The following RNGTT variants were observed in gnomAD, a reference collection of about 807,000 sequenced individuals.
RNGTT encodes mRNA-capping enzyme.
In RNGTT, 33 loss-of-function variants were observed where a neutral mutation model predicts 79.3. The ratio of observed to expected loss-of-function variants is 0.42; its 90% CI spans 0.32 to 0.56. The LOEUF (loss-of-function observed/expected upper bound fraction) is 0.56, where lower values mean the gene tolerates loss of function less well. RNGTT is among the 20% of genes least tolerant of loss of function. RNGTT has a pLI of 0.17. For synonymous variants in RNGTT, 222 were observed against 235.9 expected, an observed-to-expected ratio of 0.94 and a Z score of 0.54; for missense variants, 497 against 739.1, an observed-to-expected ratio of 0.67 and a Z score of 3.80.
At chr6:88,764,992 A>C (rs1172196009) in intron 13 of RNGTT, among the ~76,000 whole-genome samples, 2 of 152,100 alleles carry the variant, frequency 1.3e-5, no homozygotes, top group Non-Finnish European at 2.9e-5. Context: ...GGAGATCGAG[A>C]CCATCCTGGC....
At chr6:88,692,068 C>T (rs1775502325) in intron 13 of RNGTT, among the ~76,000 whole-genome samples, 1 of 152,114 alleles carries the variant, frequency 6.6e-6, no homozygotes, top group South Asian at 2.1e-4. Flanking sequence ...TGTACAGACT[C>T]AGCCAAGATA....
intron 13 of RNGTT, among the ~76,000 whole-genome samples, chr6:88,768,804 T>A (rs1018833357): frequency 6.6e-6 from 1 of 152,182 alleles, no homozygotes; most frequent in Non-Finnish European, 1.5e-5. Flanking sequence ...TGGAAAAATG[T>A]TGAAAATATT....
At chr6:88,693,478 T>A (rs1280077924) in intron 13 of RNGTT, among the ~76,000 whole-genome samples, 1 of 152,028 alleles carries the variant, frequency 6.6e-6, no homozygotes, top group Non-Finnish European at 1.5e-5. Context: ...TAATAAAAAG[T>A]CTCTCATCAA....
chr6:88,835,148 C>G (rs1468767554), intron 11 of RNGTT, among the ~76,000 whole-genome samples: 1 of 152,096 alleles, frequency 6.6e-6, no homozygotes, highest in African/African-American at 2.4e-5. Context: ...AGTAAAATGA[C>G]TCCAAGCAGA....
At chr6:88,682,795 G>A (rs1775139050) in intron 13 of RNGTT, among the ~76,000 whole-genome samples, 1 of 152,034 alleles carries the variant, frequency 6.6e-6, no homozygotes, top group South Asian at 2.1e-4. Context: ...GCAGATCATA[G>A]CCTCAGAACA....
intron 6 of RNGTT, among the ~76,000 whole-genome samples, chr6:88,895,590 T>C (rs148425598): frequency 6.6e-6 from 1 of 152,156 alleles, no homozygotes; most frequent in African/African-American, 2.4e-5. Flanking sequence ...CAGAAAAGAC[T>C]GTACTTAACA....
chr6:88,836,009 CACACACACACACACATAT>C (rs1781059272), intron 11 of RNGTT, among the ~76,000 whole-genome samples: 2 of 122,018 alleles, frequency 1.6e-5, no homozygotes, highest in Non-Finnish European at 1.8e-5. Context: ...CACACACACA[CACACACACACACACATAT>C]ATATATAAGA....
chr6:88,848,614 A>G (rs1781565654), intron 10 of RNGTT, among the ~76,000 whole-genome samples: 1 of 152,074 alleles, frequency 6.6e-6, no homozygotes, highest in East Asian at 1.9e-4. Flanking sequence ...GTATAGTACA[A>G]TAACATTTAT....
At chr6:88,844,551 C>T in intron 10 of RNGTT, 30 bp from the exon 11 acceptor site, 1 of 1,569,324 alleles carries the variant, frequency 6.4e-7, no homozygotes, top group Non-Finnish European at 8.7e-7. Flanking sequence ...AGTTAAATTT[C>T]AACACTAACA....
intron 14 of RNGTT, among the ~76,000 whole-genome samples, chr6:88,622,846 G>C (rs1364107863): frequency 2.0e-5 from 3 of 152,116 alleles, no homozygotes; most frequent in African/African-American, 7.2e-5. Flanking sequence ...TTGTGGACTG[G>C]TGACATAATG....
intron 6 of RNGTT, among the ~76,000 whole-genome samples, chr6:88,895,534 A>G (rs1052065864): frequency 1.3e-5 from 2 of 152,170 alleles, no homozygotes; most frequent in African/African-American, 4.8e-5. Flanking sequence ...AGAATTAATT[A>G]CAAGGAGTCC....
intron 11 of RNGTT, among the ~76,000 whole-genome samples, chr6:88,821,373 A>G (rs756149762): frequency 6.6e-6 from 1 of 152,180 alleles, no homozygotes; most frequent in East Asian, 1.9e-4. Context: ...ATTAAATTTT[A>G]GAAAGCATAT....
intron 11 of RNGTT, among the ~76,000 whole-genome samples, chr6:88,823,284 T>C (rs1780552866): frequency 6.6e-6 from 1 of 151,846 alleles, no homozygotes; most frequent in African/African-American, 2.4e-5. Flanking sequence ...TACAAAAAAT[T>C]AGCTGGGCGT....
chr6:88,870,441 T>C (rs1782316807), intron 8 of RNGTT, among the ~76,000 whole-genome samples: 1 of 149,720 alleles, frequency 6.7e-6, no homozygotes, highest in Non-Finnish European at 1.5e-5. Context: ...TCACTGCCTA[T>C]AAATAAAAGA....
chr6:88,818,768 G>A (rs2127878078), intron 11 of RNGTT, among the ~76,000 whole-genome samples: 2 of 152,160 alleles, frequency 1.3e-5, no homozygotes, highest in South Asian at 4.2e-4. Context: ...AAATAAATTT[G>A]TGATACATAC....
intron 7 of RNGTT, among the ~76,000 whole-genome samples, chr6:88,891,453 C>T (rs1257709485): frequency 1.3e-5 from 2 of 152,108 alleles, no homozygotes; most frequent in Non-Finnish European, 2.9e-5. Flanking sequence ...TCCTAGACTT[C>T]TGATTACAGA....
At chr6:88,739,998 C>T (rs1777430351) in intron 13 of RNGTT, among the ~76,000 whole-genome samples, 2 of 151,780 alleles carry the variant, frequency 1.3e-5, no homozygotes, top group South Asian at 4.2e-4. Context: ...AGTTATCTTC[C>T]ATTCTGCTGA....
intron 13 of RNGTT, among the ~76,000 whole-genome samples, chr6:88,720,333 AATG>A (rs1164933007): frequency 6.6e-6 from 1 of 152,094 alleles, no homozygotes; most frequent in Non-Finnish European, 1.5e-5. Context: ...TAAACTTTAC[AATG>A]ATAACAAATT....
At chr6:88,910,833 T>C (rs1783806496) in intron 4 of RNGTT, among the ~76,000 whole-genome samples, 1 of 152,218 alleles carries the variant, frequency 6.6e-6, no homozygotes. Flanking sequence ...TGGAGGCCTA[T>C]ATTTAGCATC....
Sources: allele counts gnomAD v4.1 joint callset (sites outside exome capture counted in the v4.1 genomes callset), GRCh38; gene constraint gnomAD v4.1.1; transcripts MANE v1.5; gene names NCBI Gene and HGNC (gene_info 2026-07-23, HGNC 2026-07-21).